Variants in ADGRL1 observed in about 807,000 individuals in gnomAD.
The protein encoded by ADGRL1 is CIRL-1.
In ADGRL1, 31 loss-of-function variants were observed where a neutral mutation model predicts 148.9. That is an observed-to-expected ratio of 0.21 (90% confidence interval 0.16 to 0.28). The LOEUF (loss-of-function observed/expected upper bound fraction) is 0.28, where lower values mean the gene tolerates loss of function less well. Ranked by LOEUF, ADGRL1 falls within the 10% of genes least tolerant of loss-of-function variation. The pLI is 1.00. For missense variants in ADGRL1, 1,521 were observed against 2,058.8 expected (o/e 0.74, Z 5.05); for synonymous variants, 937 against 900.3 (o/e 1.04, Z -0.73).
intron 4 of ADGRL1, chr19:14,168,715 C>A (rs1286384401): frequency 6.6e-6 from 1 of 152,172 alleles, no homozygotes; most frequent in Admixed American, 6.5e-5. Flanking sequence ...TGCCCTTTAT[C>A]TCACCTGCCT....
rs761526724 is a variant in ADGRL1, at chr19:14,152,584, A to G, written c.3453T>C (p.Thr1151=). Reference sequence around the variant, plus strand: ...AGGAGGACTCCGTCTGTTTCCTCACAGTGTCATTCCACATCCTCCGAATTC... The same window carrying G: ...AGGAGGACTCCGTCTGTTTCCTCACGGTGTCATTCCACATCCTCCGAATTC... The part of the protein sequence containing the change: ...QSRIRRMWND[T]VRKQTESSFM... Residue 1151 remains threonine (T), a synonymous_variant, in exon 20 of 23, where the codon ACT becomes ACC. Transcript: ENST00000361434. This position sits in a 1 kb window ranked among gnomAD's most constrained non-coding sequence, Gnocchi z 6.1. 1.9e-6 allele frequency: 3 copies of G among 1,614,096 alleles called. No homozygotes were observed. Among genetic ancestry groups the G allele is most frequent in the Non-Finnish European group, 2.5e-6 (3 of 1,179,976 alleles).
rs140549646 is a variant in ADGRL1, at chr19:14,191,637, C to T, written c.-95-7940G>A. 2,748 of 372,514 alleles carry T rather than the reference C, an allele frequency of 7.4e-3. 9 individuals are homozygous for T. Among genetic ancestry groups the T allele is most frequent in the Non-Finnish European group, 0.011 (1,971 of 186,676 alleles). The allele number at this position is 372,514 out of a possible 1,614,324, so 23.1% of individuals were successfully genotyped here. On this transcript the variant is annotated intron_variant, in intron 1 of 22. Transcript: ENST00000361434. ...ATTCTCTTCCGCCTTCTCACTATATCCTCACAGGGCCTCTTCTCTAGACAT... is the reference window on the plus strand; with the variant it reads ...ATTCTCTTCCGCCTTCTCACTATATTCTCACAGGGCCTCTTCTCTAGACAT...
chr19:14,161,442 C>G lies in ADGRL1; in HGVS notation c.1380G>C (p.Arg460=). ...PPATAPVPST[R]RPPAPNLHVS... The stretch of plus-strand genomic sequence containing the variant: ...CGTGTAGATTCGGGGCTGGGGGCCG[C>G]CGGGTGCTGGGGACTGGGGCTGTGG... Residue 460 remains arginine, a synonymous_variant, in exon 6 of 23, where the codon CGG becomes CGC. Transcript: ENST00000361434. The surrounding 1 kb of genome is among the most constrained non-coding windows in gnomAD (Gnocchi z 4.4). The G allele has an allele frequency of 6.8e-7, 1 of 1,476,010 alleles. No homozygotes were observed. Among genetic ancestry groups the G allele is most frequent in the South Asian group, 1.4e-5 (1 of 73,382 alleles). 91.4% of individuals were successfully genotyped at this position (1,476,010 alleles called of 1,614,324 possible).
chr19:14,173,408 T>C (rs1970610289), intron 3 of ADGRL1, among the ~76,000 whole-genome samples: 1 of 152,058 alleles, frequency 6.6e-6, no homozygotes, highest in African/African-American at 2.4e-5. Context: ...GCCTAATTTG[T>C]AAATTAAACT....
intron 1 of ADGRL1, among the ~76,000 whole-genome samples, chr19:14,199,918 G>C (rs1972490669): frequency 6.6e-6 from 1 of 151,576 alleles, no homozygotes; most frequent in South Asian, 2.1e-4. Context: ...ATTTTTAGTA[G>C]AGACAGGGTT....
At chr19:14,158,811 A>G (rs898522672) in intron 11 of ADGRL1, among the ~76,000 whole-genome samples, 2 of 152,100 alleles carry the variant, frequency 1.3e-5, no homozygotes, top group Admixed American at 1.3e-4. Flanking sequence ...ACCCATTCTC[A>G]CTGTGTGACC....
rs773493596 is a variant in ADGRL1, at chr19:14,155,557, T to G, written c.3126-30A>C. ...GAGTGGGGCGACAGGGGAGTCAAAG[T>G]ACCCGCCGGAGGGGACGGCCTCAGC... On this transcript the variant is annotated intron_variant, in intron 17 of 22. Transcript: ENST00000361434. The surrounding 1 kb of genome is among the most constrained non-coding windows in gnomAD (Gnocchi z 5.0). The G allele has an allele frequency of 5.0e-6, 8 of 1,610,464 alleles. No individual in the cohort carries two copies. The highest frequency in any genetic ancestry group is 5.9e-6 in the Non-Finnish European group (7 of 1,178,810).
intron 1 of ADGRL1, among the ~76,000 whole-genome samples, chr19:14,189,011 C>T (rs1311306111): frequency 6.6e-6 from 1 of 152,114 alleles, no homozygotes; most frequent in Non-Finnish European, 1.5e-5. Context: ...CTCGGCCTCC[C>T]AACGTGTTGG....
intron 1 of ADGRL1, among the ~76,000 whole-genome samples, chr19:14,195,380 G>A (rs930559668): frequency 2.6e-5 from 4 of 151,710 alleles, no homozygotes; most frequent in African/African-American, 9.7e-5. Flanking sequence ...GCTGCTGGGG[G>A]AGAGGGGGCG....
At chr19:14,205,518 G>A (rs1000544674) in intron 1 of ADGRL1, among the ~76,000 whole-genome samples, 20 of 151,862 alleles carry the variant, frequency 1.3e-4, no homozygotes, top group African/African-American at 4.8e-4. Context: ...TGGGGCGCGG[G>A]GCCGGCGCGC....
At chr19:14,200,972 T>G (rs1406533862) in intron 1 of ADGRL1, among the ~76,000 whole-genome samples, 4 of 152,186 alleles carry the variant, frequency 2.6e-5, no homozygotes, top group African/African-American at 4.8e-5. Flanking sequence ...CTGCCCCTGA[T>G]CCCAGTATGT....
At chr19:14,153,971 T>TA (rs931109030) in intron 18 of ADGRL1, among the ~76,000 whole-genome samples, 1 of 150,526 alleles carries the variant, frequency 6.6e-6, no homozygotes, top group Non-Finnish European at 1.5e-5. Flanking sequence ...AAAAAAAACC[T>TA]AAAAAAATAA....
intron 2 of ADGRL1, among the ~76,000 whole-genome samples, chr19:14,182,191 T>C (rs922495021): frequency 1.3e-5 from 2 of 152,204 alleles, no homozygotes; most frequent in Non-Finnish European, 1.5e-5. Flanking sequence ...TTGTGATGGC[T>C]CCAGGGTGTT....
chr19:14,204,809 G>A (rs551097287), intron 1 of ADGRL1, among the ~76,000 whole-genome samples: 68 of 151,930 alleles, frequency 4.5e-4, no homozygotes, highest in African/African-American at 1.6e-3. Context: ...TCCCCCTCCT[G>A]CCCCCAGGCA....
chr19:14,158,248 G>A (rs1291918415), intron 12 of ADGRL1, 90 bp downstream of exon 12: 2 of 1,381,396 alleles, frequency 1.4e-6, no homozygotes, highest in Non-Finnish European at 2.0e-6. Flanking sequence ...AACTTGTTCT[G>A]GAGGTGAGCA....
chr19:14,189,809 G>A (rs1234452389), intron 1 of ADGRL1, among the ~76,000 whole-genome samples: 1 of 152,218 alleles, frequency 6.6e-6, no homozygotes, highest in Non-Finnish European at 1.5e-5. Flanking sequence ...GTGTTGTGAA[G>A]TGATTACCAC....
chr19:14,154,627 GAC>G (rs1194917987), intron 18 of ADGRL1, among the ~76,000 whole-genome samples: 1 of 150,470 alleles, frequency 6.6e-6, no homozygotes, highest in Non-Finnish European at 1.5e-5. Flanking sequence ...TTGTTTTGGA[GAC>G]AGAGTTTTGC....
intron 22 of ADGRL1, 148 bp downstream of exon 22, chr19:14,151,985 G>T: frequency 3.9e-6 from 3 of 761,484 alleles, no homozygotes; most frequent in Non-Finnish European, 4.6e-6. Context: ...CCTCCATTCG[G>T]CTGCCAGAGG....
At chr19:14,176,358 A>C (rs1401394081) in intron 3 of ADGRL1, among the ~76,000 whole-genome samples, 1 of 152,136 alleles carries the variant, frequency 6.6e-6, no homozygotes, top group African/African-American at 2.4e-5. Context: ...CTCAAAAATT[A>C]AATAACTAAA....
Sources: allele counts gnomAD v4.1 joint callset (sites outside exome capture counted in the v4.1 genomes callset), GRCh38; gene constraint gnomAD v4.1.1; non-coding constraint Gnocchi (gnomAD v3.1); transcripts MANE v1.5; gene names NCBI Gene and HGNC (gene_info 2026-07-23, HGNC 2026-07-21).